PDSS2: variants seen among roughly 807,000 people sequenced by gnomAD.
PDSS2 encodes the protein decaprenyl diphosphate synthase subunit 2, also known as all trans-polyprenyl-diphosphate synthase PDSS2.
A neutral mutation model predicts 44.5 loss-of-function variants in PDSS2; 31 were observed. The observed-to-expected ratio is 0.70, with a 90% confidence interval of 0.52 to 0.94. The LOEUF is 0.94. Ranked by LOEUF, PDSS2 falls within the 40% of genes least tolerant of loss-of-function variation. PDSS2 has a pLI of 0.00. For missense variants in PDSS2, 452 were observed against 482.2 expected (o/e 0.94, Z 0.59); for synonymous variants, 157 against 180.3 (o/e 0.87, Z 1.03).
chr6:107,454,683 T>C (rs1273087838), intron 1 of PDSS2, among the ~76,000 whole-genome samples: 3 of 151,982 alleles, frequency 2.0e-5, no homozygotes, highest in Non-Finnish European at 2.9e-5. Flanking sequence ...ACCATTCACG[T>C]AAACTTTAGG....
intron 1 of PDSS2, among the ~76,000 whole-genome samples, chr6:107,356,859 C>T (rs529414079): frequency 6.6e-6 from 1 of 152,256 alleles, no homozygotes; most frequent in East Asian, 1.9e-4. Context: ...TTTCTACAGG[C>T]TACTAAAATT....
At chr6:107,177,971 C>T (rs537497035) in intron 7 of PDSS2, among the ~76,000 whole-genome samples, 7 of 152,208 alleles carry the variant, frequency 4.6e-5, no homozygotes, top group South Asian at 2.1e-4. Flanking sequence ...GAGTGAGTTT[C>T]GGTTTCTGTT....
At chr6:107,191,344 C>T (rs1200224896) in intron 7 of PDSS2, among the ~76,000 whole-genome samples, 4 of 151,858 alleles carry the variant, frequency 2.6e-5, no homozygotes, top group East Asian at 1.9e-4. Flanking sequence ...ACTATGAGCA[C>T]GAGGAATGGA....
intron 1 of PDSS2, among the ~76,000 whole-genome samples, chr6:107,392,417 TACA>T (rs1311012889): frequency 3.3e-5 from 5 of 152,218 alleles, no homozygotes; most frequent in African/African-American, 4.8e-5. Flanking sequence ...AAAGAGGGTA[TACA>T]ACAAGTTGCA....
At chr6:107,221,739 G>A (rs115814811) in intron 4 of PDSS2, among the ~76,000 whole-genome samples, 10 of 152,238 alleles carry the variant, frequency 6.6e-5, no homozygotes, top group African/African-American at 2.4e-4. Flanking sequence ...TCTAATGGTG[G>A]TGAGACATTT....
At chr6:107,426,502 G>A (rs553031461) in intron 1 of PDSS2, among the ~76,000 whole-genome samples, 12 of 152,274 alleles carry the variant, frequency 7.9e-5, no homozygotes, top group East Asian at 1.9e-4. Flanking sequence ...CTGGGGCACC[G>A]TTTAGTGGAG....
intron 1 of PDSS2, among the ~76,000 whole-genome samples, chr6:107,403,525 C>A (rs1780212829): frequency 6.6e-6 from 1 of 152,178 alleles, no homozygotes. Context: ...TGGCTCTGAC[C>A]CCACATTTCC....
intron 7 of PDSS2, among the ~76,000 whole-genome samples, chr6:107,161,405 G>A (rs1399960077): frequency 6.6e-6 from 1 of 151,672 alleles, no homozygotes; most frequent in African/African-American, 2.4e-5. Flanking sequence ...GCGTGACCCC[G>A]GGAGGTGGAG....
intron 4 of PDSS2, among the ~76,000 whole-genome samples, chr6:107,224,009 C>T (rs1773703961): frequency 6.6e-6 from 1 of 151,122 alleles, no homozygotes; most frequent in South Asian, 2.1e-4. Context: ...AGTGTGAACC[C>T]CGTTGTGAAC....
intron 7 of PDSS2, among the ~76,000 whole-genome samples, chr6:107,160,606 G>A (rs1477876441): frequency 1.3e-5 from 2 of 151,590 alleles, no homozygotes; most frequent in Admixed American, 6.6e-5. Context: ...CCTGCCCCTC[G>A]CCTCCCAAAG....
chr6:107,323,375 G>A (rs1777443254), intron 2 of PDSS2, among the ~76,000 whole-genome samples: 1 of 152,166 alleles, frequency 6.6e-6, no homozygotes, highest in African/African-American at 2.4e-5. Flanking sequence ...GAGGTGGTCA[G>A]GGTGACTTAT....
At chr6:107,416,355 G>A (rs1045553205) in intron 1 of PDSS2, among the ~76,000 whole-genome samples, 1 of 152,142 alleles carries the variant, frequency 6.6e-6, no homozygotes, top group African/African-American at 2.4e-5. Flanking sequence ...CAATCTAGAA[G>A]ATGAACAGTT....
At chr6:107,378,056 TAA>T (rs1779343438) in intron 1 of PDSS2, among the ~76,000 whole-genome samples, 1 of 147,508 alleles carries the variant, frequency 6.8e-6, no homozygotes, top group African/African-American at 2.5e-5. Context: ...AAAATAAAAA[TAA>T]AAATAAATAA....
chr6:107,282,820 G>C (rs1183193963), intron 2 of PDSS2, among the ~76,000 whole-genome samples: 2 of 146,468 alleles, frequency 1.4e-5, no homozygotes, highest in Non-Finnish European at 3.0e-5. Context: ...AGTGAGCTGA[G>C]TTCGTGCCAT....
chr6:107,227,605 G>C (rs1260828852), intron 4 of PDSS2, among the ~76,000 whole-genome samples: 1 of 152,134 alleles, frequency 6.6e-6, no homozygotes, highest in Non-Finnish European at 1.5e-5. Context: ...CTTTTAAAGA[G>C]AGTGCTCCAA....
intron 1 of PDSS2, among the ~76,000 whole-genome samples, chr6:107,343,167 A>C (rs1348033390): frequency 6.6e-6 from 1 of 152,180 alleles, no homozygotes; most frequent in African/African-American, 2.4e-5. Flanking sequence ...TATCCAAAAA[A>C]TGTAAGCACA....
At chr6:107,284,443 C>T (rs947499451) in intron 2 of PDSS2, among the ~76,000 whole-genome samples, 2 of 152,154 alleles carry the variant, frequency 1.3e-5, no homozygotes, top group Admixed American at 1.3e-4. Flanking sequence ...GGCGGATCAC[C>T]TGAAGTCAGG....
intron 1 of PDSS2, among the ~76,000 whole-genome samples, chr6:107,354,597 T>C (rs979919311): frequency 5.3e-5 from 8 of 152,216 alleles, no homozygotes; most frequent in Non-Finnish European, 8.8e-5. Flanking sequence ...AATTCCTGCA[T>C]GTATTATCAG....
intron 3 of PDSS2, among the ~76,000 whole-genome samples, chr6:107,249,247 T>G (rs943266211): frequency 1.3e-5 from 2 of 152,224 alleles, no homozygotes; most frequent in Non-Finnish European, 1.5e-5. Context: ...CATACTGCCC[T>G]ATTACCGTGC....
Sources: allele counts gnomAD v4.1 joint callset (sites outside exome capture counted in the v4.1 genomes callset), GRCh38; gene constraint gnomAD v4.1.1; transcripts MANE v1.5; gene names NCBI Gene and HGNC (gene_info 2026-07-23, HGNC 2026-07-21).